CRY1: variants seen among roughly 807,000 people sequenced by gnomAD.
CRY1 encodes cryptochrome-1.
CRY1 carries 45 observed loss-of-function variants against 76.0 expected under a neutral mutation model. That is an observed-to-expected ratio of 0.59 (90% CI 0.47 to 0.76). The LOEUF is 0.76. Among genes scored for constraint, CRY1 ranks in the 30% least tolerant of loss-of-function variants. The pLI is 0.00. For synonymous variants in CRY1, 248 were observed against 244.0 expected (o/e 1.02, Z -0.15); for missense variants, 587 against 716.4 (o/e 0.82, Z 2.06).
intron 1 of CRY1, among the ~76,000 whole-genome samples, chr12:107,078,723 C>A (rs1953287622): frequency 6.6e-6 from 1 of 152,142 alleles, no homozygotes; most frequent in Non-Finnish European, 1.5e-5. Flanking sequence ...ACAACCTAAA[C>A]TCACTCTTTT....
intron 1 of CRY1, among the ~76,000 whole-genome samples, chr12:107,037,176 A>T (rs931599014): frequency 2.6e-5 from 4 of 152,194 alleles, no homozygotes; most frequent in Admixed American, 2.6e-4. Context: ...GAGGGAATAA[A>T]GGCCCAGACA....
At chr12:107,088,845 G>C (rs745751618) in intron 1 of CRY1, among the ~76,000 whole-genome samples, 3 of 152,126 alleles carry the variant, frequency 2.0e-5, no homozygotes, top group Admixed American at 6.5e-5. Context: ...TCACCTTCTA[G>C]AACAGTTTCA....
chr12:107,041,753 A>T (rs2136867017), intron 1 of CRY1, among the ~76,000 whole-genome samples: 1 of 138,256 alleles, frequency 7.2e-6, no homozygotes, highest in African/African-American at 2.7e-5. Context: ...AGATGAATTC[A>T]AGTTTTTCAG....
intron 1 of CRY1, among the ~76,000 whole-genome samples, chr12:107,062,336 T>C (rs1953058385): frequency 6.6e-6 from 1 of 152,178 alleles, no homozygotes; most frequent in South Asian, 2.1e-4. Flanking sequence ...ATTATATTCA[T>C]AATTTGTATT....
chr12:107,068,823 T>C (rs1251036301), intron 1 of CRY1, among the ~76,000 whole-genome samples: 4 of 152,202 alleles, frequency 2.6e-5, no homozygotes, highest in Non-Finnish European at 5.9e-5. Context: ...GGATGTTTCA[T>C]ATAAACGGAA....
chr12:107,068,814 G>A (rs1593536425), intron 1 of CRY1, among the ~76,000 whole-genome samples: 1 of 152,062 alleles, frequency 6.6e-6, no homozygotes, highest in African/African-American at 2.4e-5. Context: ...ACCTGTTCTG[G>A]ATGTTTCATA....
intron 1 of CRY1, among the ~76,000 whole-genome samples, chr12:107,060,082 G>A (rs79183764): frequency 0.12 from 18,013 of 152,030 alleles, 1,734 homozygotes; most frequent in African/African-American, 0.25. Flanking sequence ...TATTATATGC[G>A]TTGATATTAA....
intron 2 of CRY1, among the ~76,000 whole-genome samples, chr12:107,009,176 AT>A (rs1256132993): frequency 6.6e-6 from 1 of 152,118 alleles, no homozygotes; most frequent in African/African-American, 2.4e-5. Flanking sequence ...GGTTATATTA[AT>A]TGATTTTTTT....
At chr12:106,998,659 A>AACACACACACACACACACACAC (rs10522970) in intron 7 of CRY1, among the ~76,000 whole-genome samples, 27 of 143,438 alleles carry the variant, frequency 1.9e-4, no homozygotes, top group African/African-American at 5.9e-4. Flanking sequence ...TAAGAGATTA[A>AACACACACACACACACACACAC]ACACACACAC....
intron 12 of CRY1, chr12:106,992,582 A>G: frequency 2.1e-6 from 1 of 479,438 alleles, no homozygotes. Context: ...GGTTCAGATG[A>G]ATATAAAACT....
At chr12:107,082,083 A>C (rs920533700) in intron 1 of CRY1, among the ~76,000 whole-genome samples, 3 of 152,120 alleles carry the variant, frequency 2.0e-5, no homozygotes, top group African/African-American at 4.8e-5. Context: ...AAACCAAAAA[A>C]GATAAAAAAA....
intron 1 of CRY1, among the ~76,000 whole-genome samples, chr12:107,046,464 A>G (rs1180347401): frequency 6.6e-6 from 1 of 152,186 alleles, no homozygotes; most frequent in Non-Finnish European, 1.5e-5. Flanking sequence ...GATAAACAAT[A>G]AGAGAGAAAG....
intron 1 of CRY1, among the ~76,000 whole-genome samples, chr12:107,071,411 C>G (rs939397379): frequency 6.6e-6 from 1 of 152,098 alleles, no homozygotes; most frequent in Non-Finnish European, 1.5e-5. Context: ...CTGAATTATT[C>G]CTGCATTTTC....
chr12:107,026,886 C>T (rs576514586), intron 1 of CRY1, among the ~76,000 whole-genome samples: 2 of 150,484 alleles, frequency 1.3e-5, no homozygotes, highest in East Asian at 3.9e-4. Flanking sequence ...TACAGAATTA[C>T]TTTGAATTCA....
chr12:106,997,615 T>C lies in CRY1; in HGVS notation c.1365A>G (p.Gln455=), dbSNP rs922137811. 2.5e-6 allele frequency: 4 copies of C among 1,614,034 alleles called. No homozygotes were observed. The highest frequency in any genetic ancestry group is 1.1e-5 in the South Asian group (1 of 91,080). The part of the protein sequence containing the change: ...YDPWNAPEGI[Q]KVAKCLIGVN... ...CTCCTATCAAACATTTGGCTACCTT[T>C]TGGATACCTTCTGGTGCATTCCAGG... The change falls in exon 9 of 13, where the codon CAA becomes CAG. Residue 455 remains glutamine, a synonymous_variant. Coordinates refer to ENST00000008527, the MANE Select transcript of CRY1 (RefSeq NM_004075.5).
At chr12:107,073,715 T>G (rs1953218944) in intron 1 of CRY1, among the ~76,000 whole-genome samples, 1 of 152,018 alleles carries the variant, frequency 6.6e-6, no homozygotes, top group Non-Finnish European at 1.5e-5. Context: ...GGCGACCAAT[T>G]GAGACAGAGT....
At chr12:107,042,791 G>A (rs1383307903) in intron 1 of CRY1, among the ~76,000 whole-genome samples, 1 of 152,094 alleles carries the variant, frequency 6.6e-6, no homozygotes. Flanking sequence ...AGGAAATGCC[G>A]GGCCTCCACC....
chr12:107,074,752 C>T (rs1593540174), intron 1 of CRY1, among the ~76,000 whole-genome samples: 1 of 152,208 alleles, frequency 6.6e-6, no homozygotes, highest in African/African-American at 2.4e-5. Flanking sequence ...CGATGGCTCA[C>T]GCCTGTAATC....
intron 1 of CRY1, among the ~76,000 whole-genome samples, chr12:107,033,105 C>T (rs772872716): frequency 5.3e-5 from 8 of 151,870 alleles, no homozygotes; most frequent in South Asian, 2.1e-4. Context: ...AGGGATTAAA[C>T]GGAAAATAAA....
Sources: allele counts gnomAD v4.1 joint callset (sites outside exome capture counted in the v4.1 genomes callset), GRCh38; gene constraint gnomAD v4.1.1; transcripts MANE v1.5; gene names NCBI Gene and HGNC (gene_info 2026-07-23, HGNC 2026-07-21).